The following ERCC6L2 variants were observed in gnomAD, a reference collection of about 807,000 sequenced individuals.
The protein encoded by ERCC6L2 is ERCC excision repair 6 like 2.
Under a neutral mutation model 132.0 loss-of-function variants are expected in ERCC6L2, and 77 were observed. That is an observed-to-expected ratio of 0.58 (90% confidence interval 0.49 to 0.71). The LOEUF is 0.71. ERCC6L2 is among the 30% of genes least tolerant of loss of function. ERCC6L2 has a pLI of 0.00. For missense variants in ERCC6L2, 1,542 were observed against 1,837.6 expected (o/e 0.84, Z 2.94); for synonymous variants, 583 against 632.4 (o/e 0.92, Z 1.17).
At chr9:95,980,095 G>GT (rs1832832465) in intron 17 of ERCC6L2, among the ~76,000 whole-genome samples, 1 of 152,136 alleles carries the variant, frequency 6.6e-6, no homozygotes, top group African/African-American at 2.4e-5. Context: ...GAAGCAACCT[G>GT]TTTCTTAAGC....
Position 96,027,150 on chromosome 9 carries a change from CCACATGCACCA to C in ERCC6L2, c.*1504-11722_*1504-11712del, listed in dbSNP as rs943141917. The stretch of plus-strand genomic sequence containing the variant: ...CCACACACAACACACTACACACACC[CCACATGCACCA>C]CACCACACACACACACACCACACAC... On this transcript the variant is annotated intron_variant and NMD_transcript_variant, in intron 19 of 20. Transcript: ENST00000670016. Among the ~76,000 whole-genome samples, 8 of 149,632 alleles carry C rather than the reference CCACATGCACCA, an allele frequency of 5.3e-5. 1 individual carries two copies. The highest frequency in any genetic ancestry group is 1.2e-4 in the Non-Finnish European group (8 of 67,276).
chr9:95,903,363 AT>A (rs1828870573), intron 3 of ERCC6L2, among the ~76,000 whole-genome samples: 1 of 151,970 alleles, frequency 6.6e-6, no homozygotes, highest in Non-Finnish European at 1.5e-5. Context: ...TTATAATGTA[AT>A]TTATTATTTG....
chr9:96,013,214 G>A lies in ERCC6L2; in HGVS notation c.*11G>A, dbSNP rs768762989. The stretch of plus-strand genomic sequence containing the variant: ...CAGAGTACCACATAAGCATATAAAT[G>A]AATTACTGCACCAGTAAACTGCTGC... On this transcript the variant is annotated 3_prime_UTR_variant, in exon 19 of 19. Transcript: ENST00000653738. 31 of 1,340,768 alleles carry A rather than the reference G, an allele frequency of 2.3e-5. No homozygotes were observed. The highest frequency in any genetic ancestry group is 3.0e-5 in the Non-Finnish European group (30 of 1,011,236). 83.1% of individuals were successfully genotyped at this position (1,340,768 alleles called of 1,614,324 possible).
chr9:95,913,710 C>T (rs1327996), intron 4 of ERCC6L2, among the ~76,000 whole-genome samples: 40,125 of 152,102 alleles, frequency 0.26, 5,895 homozygotes, highest in East Asian at 0.4. Flanking sequence ...CTTTCTCTTT[C>T]TATAGATTTG....
chr9:96,030,701 C>CAA (rs35421948), intron 19 of ERCC6L2, among the ~76,000 whole-genome samples: 1,254 of 79,834 alleles, frequency 0.016, 28 homozygotes, highest in African/African-American at 0.027. Context: ...GACTCCATCT[C>CAA]AAAAAAAAAA....
At chr9:95,906,415 G>A (rs1398945789) in intron 3 of ERCC6L2, among the ~76,000 whole-genome samples, 2 of 152,132 alleles carry the variant, frequency 1.3e-5, no homozygotes, top group Non-Finnish European at 2.9e-5. Context: ...AGGTTGGCAA[G>A]AAGGAATGGG....
chr9:96,030,194 A>T (rs1588068449), intron 19 of ERCC6L2, among the ~76,000 whole-genome samples: 1 of 152,126 alleles, frequency 6.6e-6, no homozygotes, highest in East Asian at 1.9e-4. Context: ...TGTAAAATGG[A>T]TCAGTCAGCA....
At position 96,013,003 on chromosome 9, in the gene ERCC6L2, C is replaced by G; in HGVS notation, c.4453C>G (p.Gln1485Glu). ...PKDFWDILNEQNDESLSKLTD... is the reference protein window; with the variant it reads ...PKDFWDILNEENDESLSKLTD... ...AGATTTCTGGGACATCTTGAATGAGCAGAATGATGAGAGTCTTAGTAAACT... is the reference window on the plus strand; with the variant it reads ...AGATTTCTGGGACATCTTGAATGAGGAGAATGATGAGAGTCTTAGTAAACT... Residue 1485 changes from glutamine to glutamate, a missense_variant, in exon 19 of 19, where the codon CAG (glutamine) becomes GAG (glutamate). Gln to Glu is a conservative substitution (Grantham distance 29). Coordinates refer to ENST00000653738, the MANE Select transcript of ERCC6L2 (RefSeq NM_020207.7). 7.3e-6 allele frequency: 10 copies of G among 1,367,480 alleles called. No homozygotes were observed. Among genetic ancestry groups the G allele is most frequent in the Non-Finnish European group, 9.8e-6 (10 of 1,021,776 alleles). The allele number at this position is 1,367,480 out of a possible 1,614,324, so 84.7% of individuals were successfully genotyped here.
chr9:95,985,790 C>T (rs1238972580), intron 17 of ERCC6L2, among the ~76,000 whole-genome samples: 1 of 152,148 alleles, frequency 6.6e-6, no homozygotes, highest in African/African-American at 2.4e-5. Flanking sequence ...AGATTATTGA[C>T]ATGAATTATG....
At chr9:95,929,875 C>G (rs530401995) in intron 11 of ERCC6L2, among the ~76,000 whole-genome samples, 43 of 152,262 alleles carry the variant, frequency 2.8e-4, no homozygotes, top group Non-Finnish European at 5.4e-4. Flanking sequence ...ATAATAGACT[C>G]TATAATGACA....
At chr9:95,902,173 T>C (rs1828815046) in intron 3 of ERCC6L2, among the ~76,000 whole-genome samples, 2 of 152,198 alleles carry the variant, frequency 1.3e-5, no homozygotes, top group Admixed American at 6.5e-5. Context: ...AATGCATGAA[T>C]GTTTTGTGCC....
chr9:95,918,089 C>T (rs1829685761), intron 6 of ERCC6L2: 2 of 298,324 alleles, frequency 6.7e-6, no homozygotes, highest in East Asian at 9.7e-5. Context: ...TGCTGCCATG[C>T]ATCCTTCTTC....
intron 3 of ERCC6L2, among the ~76,000 whole-genome samples, chr9:95,899,598 A>ATGTGTGTGTGTGTG (rs763050798): frequency 7.9e-5 from 9 of 113,268 alleles, no homozygotes; most frequent in African/African-American, 3.3e-4. Context: ...CTTTATATAT[A>ATGTGTGTGTGTGTG]TATGTGTGTG....
chr9:96,022,725 C>A (rs1301872488), downstream of ERCC6L2, among the ~76,000 whole-genome samples: 1 of 152,162 alleles, frequency 6.6e-6, no homozygotes, highest in African/African-American at 2.4e-5. Flanking sequence ...GGAATGCCTG[C>A]GAGGCCCCCT....
chr9:95,953,764 CAT>C (rs938406850), intron 12 of ERCC6L2, among the ~76,000 whole-genome samples: 8 of 151,752 alleles, frequency 5.3e-5, no homozygotes, highest in African/African-American at 1.7e-4. Flanking sequence ...AAAATAAGAA[CAT>C]AATATAAATT....
At chr9:95,951,926 T>G (rs1831350060) in intron 12 of ERCC6L2, among the ~76,000 whole-genome samples, 1 of 151,602 alleles carries the variant, frequency 6.6e-6, no homozygotes, top group Admixed American at 6.6e-5. Context: ...TCCCAGCATT[T>G]TAGGAGGTCA....
intron 2 of ERCC6L2, among the ~76,000 whole-genome samples, chr9:95,884,050 A>C (rs1827738134): frequency 6.6e-6 from 1 of 152,218 alleles, no homozygotes; most frequent in African/African-American, 2.4e-5. Context: ...TCATAGGATT[A>C]TTTTTAAAGG....
rs369696392 is a variant in ERCC6L2 at position 95,978,064 on chromosome 9, G to A, written c.3341G>A (p.Gly1114Asp). The change falls in exon 17 of 19, where the codon GGC becomes GAC. Residue 1114 changes from glycine (G) to aspartate (D), a missense_variant. Transcript: ENST00000653738. Reference protein sequence around the residue: ...SYESMDKFLDGVQEVAYIHSN... With the variant: ...SYESMDKFLDDVQEVAYIHSN... Reference sequence around the variant, plus strand: ...ATAAACATAAATTACCTCCTAGATGGCGTTCAGGAAGTGGCTTATATTCAC... The same window carrying A: ...ATAAACATAAATTACCTCCTAGATGACGTTCAGGAAGTGGCTTATATTCAC... 4 of 1,363,258 alleles carry A rather than the reference G, an allele frequency of 2.9e-6. No homozygotes were observed. In the African/African-American group the frequency reaches 5.9e-5, roughly 20 times the overall value. The allele number at this position is 1,363,258 out of a possible 1,614,324, so 84.4% of individuals were successfully genotyped here.
chr9:95,898,020 A>G (rs1828559176), intron 3 of ERCC6L2, 49 bp downstream of exon 3: 3 of 1,490,292 alleles, frequency 2.0e-6, no homozygotes, highest in Non-Finnish European at 2.7e-6. Context: ...TGGTATTACA[A>G]AAGCATATAG....
Sources: allele counts gnomAD v4.1 joint callset (sites outside exome capture counted in the v4.1 genomes callset), GRCh38; gene constraint gnomAD v4.1.1; transcripts MANE v1.5; gene names NCBI Gene and HGNC (gene_info 2026-07-23, HGNC 2026-07-21).